The following CCDC40 variants were observed in gnomAD, a reference collection of about 807,000 sequenced individuals.
The protein encoded by CCDC40 is coiled-coil domain-containing protein 40.
CCDC40 carries 104 observed loss-of-function variants against 124.5 expected under a neutral mutation model. The ratio of observed to expected loss-of-function variants is 0.84; its 90% CI spans 0.71 to 0.98. The LOEUF (loss-of-function observed/expected upper bound fraction) is 0.98. Among genes scored for constraint, CCDC40 ranks in the 50% least tolerant of loss-of-function variants. CCDC40 has a pLI of 0.00. For synonymous variants in CCDC40, 580 were observed against 602.9 expected, an observed-to-expected ratio of 0.96 and a Z score of 0.56; for missense variants, 1,463 against 1,503.9, an observed-to-expected ratio of 0.97 and a Z score of 0.45.
At chr17:80,099,449 A>T in intron 19 of CCDC40, 78 bp from the exon 20 acceptor site, 1 of 1,536,006 alleles carries the variant, frequency 6.5e-7, no homozygotes, top group South Asian at 1.1e-5. Context: ...ATTTCCTGGA[A>T]TCTGAGTTTG....
In CCDC40 at chr17:80,038,132, G is replaced by T; in HGVS notation, c.39G>T (p.Pro13=). ...GTTTCTCTAAAACCAGGTCCCATCC[G>T]GAAGATGGATCGGCTTCTGAGGGAG... ...EPGGAAGRSH[P]EDGSASEGEK... Residue 13 remains proline (P), a synonymous_variant, in exon 2 of 20, where the codon CCG becomes CCT. Transcript: ENST00000397545. 4.3e-6 allele frequency: 7 copies of T among 1,609,310 alleles called. No homozygotes were observed. Among genetic ancestry groups the T allele is most frequent in the Non-Finnish European group, 6.0e-6 (7 of 1,176,026 alleles).
chr17:80,037,511 G>A (rs564000151), intron 1 of CCDC40, among the ~76,000 whole-genome samples: 3 of 151,014 alleles, frequency 2.0e-5, no homozygotes, highest in African/African-American at 7.3e-5. Context: ...CTAATTCAGG[G>A]TGTGTGTGTG....
At position 80,048,662 on chromosome 17, in the gene CCDC40, C is replaced by T. The variant is rs374154296; in HGVS notation, c.756C>T (p.Ser252=). The change falls in exon 5 of 20, where the codon AGC becomes AGT. Residue 252 remains serine (S), a synonymous_variant. Coordinates refer to ENST00000397545, the MANE Select transcript of CCDC40 (RefSeq NM_017950.4). ...TCCAGGACCAGATCCAGCAGCCCAG[C>T]ACCGAGGAGGGGGCCATGGCAGAGA... ...PVFQDQIQQP[S]TEEGAMAERV... The T allele has an allele frequency of 1.4e-5, 22 of 1,613,954 alleles. No individual in the cohort carries two copies. The highest frequency in any genetic ancestry group is 1.8e-5 in the Non-Finnish European group (21 of 1,180,004).
At chr17:80,077,698 C>T (rs377022992) in intron 10 of CCDC40, among the ~76,000 whole-genome samples, 12 of 152,298 alleles carry the variant, frequency 7.9e-5, no homozygotes, top group African/African-American at 2.4e-4. Context: ...TGTGGTGCAT[C>T]GCCTTGCGGT....
intron 18 of CCDC40, among the ~76,000 whole-genome samples, chr17:80,096,762 G>A (rs1330806615): frequency 6.6e-6 from 1 of 152,242 alleles, no homozygotes; most frequent in East Asian, 1.9e-4. Context: ...GACCATGTCA[G>A]CTGCCAAACA....
At position 80,047,274 on chromosome 17, in the gene CCDC40, C is replaced by T. The variant is rs1598483962; in HGVS notation, c.553-5C>T. 6.2e-7 allele frequency: 1 copy of T among 1,613,888 alleles called. No individual in the cohort carries two copies. Among genetic ancestry groups the T allele is most frequent in the Non-Finnish European group, 8.5e-7 (1 of 1,179,874 alleles). Reference sequence around the variant, plus strand: ...TTGACTTAGTTTTGGTTGTTCTTGCCATAGACAGGATCCACAGAGGAGCCC... The same window carrying T: ...TTGACTTAGTTTTGGTTGTTCTTGCTATAGACAGGATCCACAGAGGAGCCC... On this transcript the variant is annotated splice_polypyrimidine_tract_variant and splice_region_variant and intron_variant, in intron 3 of 19. Coordinates refer to ENST00000397545, the MANE Select transcript of CCDC40 (RefSeq NM_017950.4).
intron 3 of CCDC40, among the ~76,000 whole-genome samples, chr17:80,042,522 C>T (rs904481993): frequency 1.2e-4 from 18 of 152,314 alleles, no homozygotes; most frequent in Non-Finnish European, 2.4e-4. Flanking sequence ...TATTCTGCCA[C>T]GTTGCTAAAG....
rs574515070 is a variant in CCDC40 at position 80,052,116 on chromosome 17, G to A, written c.1159+1833G>A. ...GTCCTGGCCCCTGGAGAAAGCCCAC[G>A]GTCACCTGCCTCATCTGGGAGGGAG... On this transcript the variant is annotated intron_variant, in intron 7 of 19. Coordinates refer to ENST00000397545, the MANE Select transcript of CCDC40 (RefSeq NM_017950.4). Among the ~76,000 whole-genome samples, 11 of 152,302 alleles carry A rather than the reference G, an allele frequency of 7.2e-5. No homozygotes were observed. The East Asian group carries it at 1.9e-3, about 27-fold the overall frequency.
intron 9 of CCDC40, among the ~76,000 whole-genome samples, chr17:80,063,411 G>A (rs939656348): frequency 6.6e-6 from 1 of 152,084 alleles, no homozygotes; most frequent in Admixed American, 6.6e-5. Context: ...GACTGAGCCC[G>A]GCAGCCATCT....
In CCDC40 at chr17:80,099,863, CTAAAAACCACATG is replaced by C; in HGVS notation, c.*91_*103del. ...GAGGGACTTGGAATCTTTTGTGTTCCTAAAAACCACATGTACCCTCAGAAGGGCATCGTTTAAG... is the reference window on the plus strand; with the variant it reads ...GAGGGACTTGGAATCTTTTGTGTTCCTACCCTCAGAAGGGCATCGTTTAAG... On this transcript the variant is annotated 3_prime_UTR_variant, in exon 20 of 20. Coordinates refer to ENST00000397545, the MANE Select transcript of CCDC40 (RefSeq NM_017950.4). 1 of 1,456,680 alleles carries C rather than the reference CTAAAAACCACATG, an allele frequency of 6.9e-7. No individual in the cohort carries two copies. Among genetic ancestry groups the C allele is most frequent in the Non-Finnish European group, 9.4e-7 (1 of 1,060,280 alleles). The allele number at this position is 1,456,680 out of a possible 1,614,324, so 90.2% of individuals were successfully genotyped here. A position where few individuals can be genotyped will look rare whatever the true frequency, so the allele number is the denominator to read the frequency against.
intron 19 of CCDC40, among the ~76,000 whole-genome samples, chr17:80,098,464 G>A (rs2038850934): frequency 6.6e-6 from 1 of 152,254 alleles, no homozygotes; most frequent in South Asian, 2.1e-4. Context: ...TGTGGGGCTG[G>A]CGAGAAGCCA....
At chr17:80,091,326 C>T (rs866557089) in intron 17 of CCDC40, among the ~76,000 whole-genome samples, 1 of 121,768 alleles carries the variant, frequency 8.2e-6, no homozygotes, top group Admixed American at 7.4e-5. Flanking sequence ...CACACACACA[C>T]ACACACACAC....
At chr17:80,082,802 C>T (rs114132100) in intron 12 of CCDC40, among the ~76,000 whole-genome samples, 2,236 of 152,282 alleles carry the variant, frequency 0.015, 50 homozygotes, top group African/African-American at 0.05. Context: ...CTGGGCAGCC[C>T]GATAGGTCAT....
At chr17:80,076,499 G>C (rs2038313642) in intron 10 of CCDC40, among the ~76,000 whole-genome samples, 1 of 151,620 alleles carries the variant, frequency 6.6e-6, no homozygotes, top group South Asian at 2.1e-4. Flanking sequence ...CTTGAGCCTA[G>C]GAGGCTGAAT....
chr17:80,072,027 C>T (rs563954226), intron 10 of CCDC40, among the ~76,000 whole-genome samples: 1 of 151,836 alleles, frequency 6.6e-6, no homozygotes, highest in Non-Finnish European at 1.5e-5. Context: ...TTAAAAGAGA[C>T]GGGGTTTCAC....
chr17:80,037,688 A>AAAAAAAATATATAT, intron 1 of CCDC40, among the ~76,000 whole-genome samples: 21 of 45,676 alleles, frequency 4.6e-4, no homozygotes, highest in African/African-American at 1.1e-3. Flanking sequence ...TTTTTTAAAA[A>AAAAAAAATATATAT]AGATATACAT....
intron 7 of CCDC40, among the ~76,000 whole-genome samples, chr17:80,057,824 C>T (rs1253479376): frequency 2.0e-5 from 3 of 151,054 alleles, no homozygotes; most frequent in African/African-American, 4.9e-5. Context: ...TGCAGTGAGT[C>T]GAGATCGCGC....
chr17:80,068,104 G>A (rs2038095745), intron 10 of CCDC40: 1 of 477,832 alleles, frequency 2.1e-6, no homozygotes, highest in Admixed American at 6.4e-5. Context: ...CACCATCTCT[G>A]CTCACTGCGA....
rs2037805133 is a variant in CCDC40 at position 80,058,388 on chromosome 17, G to A, written c.1160-106G>A. On this transcript the variant is annotated intron_variant, in intron 7 of 19. Transcript: ENST00000397545. The surrounding 1 kb of genome is among the most constrained non-coding windows in gnomAD (Gnocchi z 4.2). Reference sequence around the variant, plus strand: ...CTTACCCAAAAATGGCAGGAAGGGTGCCCAGAACGGCTGTTCCCTGCTTCC... The same window carrying A: ...CTTACCCAAAAATGGCAGGAAGGGTACCCAGAACGGCTGTTCCCTGCTTCC... 10 of 986,444 alleles carry A rather than the reference G, an allele frequency of 1.0e-5. 1 individual carries two copies. Among genetic ancestry groups the A allele is most frequent in the Non-Finnish European group, 1.6e-5 (10 of 632,928 alleles). The allele number at this position is 986,444 out of a possible 1,614,324, so 61.1% of individuals were successfully genotyped here.
Sources: gnomAD v4.1 joint callset for allele counts (sites outside exome capture counted in the v4.1 genomes callset) on GRCh38, gnomAD v4.1.1 for gene constraint, Gnocchi (gnomAD v3.1) non-coding constraint, MANE v1.5 for transcripts, NCBI Gene and HGNC (gene_info 2026-07-23, HGNC 2026-07-21) for gene names.